ELAVL2: variants seen among roughly 807,000 people sequenced by gnomAD.
ELAVL2 encodes the protein ELAV-like protein 2.
A neutral mutation model predicts 34.6 loss-of-function variants in ELAVL2; 4 were observed. That is an observed-to-expected ratio of 0.12 (90% CI 0.06 to 0.26). ELAVL2 has a LOEUF of 0.26. Among genes scored for constraint, ELAVL2 ranks in the 10% least tolerant of loss-of-function variants. The pLI, the probability that ELAVL2 is intolerant of heterozygous loss-of-function variation, is 1.00. For missense variants in ELAVL2, 432 were observed against 442.8 expected, an observed-to-expected ratio of 0.98 and a Z score of 0.22; for synonymous variants, 193 against 154.8, an observed-to-expected ratio of 1.25 and a Z score of -1.83.
intron 1 of ELAVL2, among the ~76,000 whole-genome samples, chr9:23,820,419 G>C (rs992719396): frequency 2.4e-4 from 36 of 152,246 alleles, no homozygotes; most frequent in African/African-American, 8.2e-4. Flanking sequence ...ATAAAGGAGA[G>C]TGGACAACTC....
chr9:23,786,622 A>C (rs1392975297), intron 1 of ELAVL2, among the ~76,000 whole-genome samples: 1 of 152,162 alleles, frequency 6.6e-6, no homozygotes, highest in African/African-American at 2.4e-5. Flanking sequence ...TGTATCACTC[A>C]GAAAGTTACC....
At chr9:23,815,483 C>G (rs1024117897) in intron 1 of ELAVL2, among the ~76,000 whole-genome samples, 1 of 152,018 alleles carries the variant, frequency 6.6e-6, no homozygotes, top group African/African-American at 2.4e-5. Context: ...AAAACAAAAT[C>G]ACTAAAAATG....
At chr9:23,812,677 T>C (rs1302584504) in intron 1 of ELAVL2, among the ~76,000 whole-genome samples, 4 of 152,086 alleles carry the variant, frequency 2.6e-5, no homozygotes, top group Non-Finnish European at 5.9e-5. Flanking sequence ...ACAATGATTT[T>C]TTAAAATCAT....
chr9:23,727,293 TAAAC>T (rs573626739), intron 3 of ELAVL2, among the ~76,000 whole-genome samples: 82 of 152,234 alleles, frequency 5.4e-4, no homozygotes, highest in Admixed American at 1.6e-3. Context: ...TGCTACTACT[TAAAC>T]AAACAGCATC....
chr9:23,775,390 A>G (rs945227506), intron 1 of ELAVL2, among the ~76,000 whole-genome samples: 1 of 152,216 alleles, frequency 6.6e-6, no homozygotes, highest in Admixed American at 6.5e-5. Context: ...CTTATGCACT[A>G]TAAGCTATAT....
At chr9:23,834,288 T>C in the ELAVL2 span, among the ~76,000 whole-genome samples, 8 of 151,986 alleles carry the variant, frequency 5.3e-5, no homozygotes, top group Non-Finnish European at 1.0e-4. Context: ...GTCAAAAAAT[T>C]ACTCCTTTAT....
intron 1 of ELAVL2, among the ~76,000 whole-genome samples, chr9:23,770,984 C>A (rs1484298366): frequency 6.6e-6 from 1 of 152,160 alleles, no homozygotes; most frequent in Non-Finnish European, 1.5e-5. Flanking sequence ...GGCCGGAACA[C>A]ATAGGGCCTT....
chr9:23,822,918 G>C (rs930722215), intron 1 of ELAVL2, among the ~76,000 whole-genome samples: 1 of 152,212 alleles, frequency 6.6e-6, no homozygotes, highest in Non-Finnish European at 1.5e-5. Flanking sequence ...CCCATGCGAC[G>C]GGCGGAGCGG....
intron 5 of ELAVL2, among the ~76,000 whole-genome samples, chr9:23,700,106 G>A (rs2133082163): frequency 6.6e-6 from 1 of 152,002 alleles, no homozygotes; most frequent in Middle Eastern, 3.4e-3. Flanking sequence ...ATAGATTTAA[G>A]CTAGAAAACA....
In ELAVL2 at chr9:23,695,622, G is replaced by A. The variant is rs73654350; in HGVS notation, c.714-2136C>T. Among the ~76,000 whole-genome samples, 579 of 152,214 alleles carry A rather than the reference G, an allele frequency of 3.8e-3. 8 individuals carry two copies. The highest frequency in any genetic ancestry group is 0.013 in the African/African-American group (539 of 41,536). On this transcript the variant is annotated intron_variant, in intron 5 of 6. Transcript: ENST00000397312. ...ATGGTAATAGCCTACCACACACCTAGTTATATGGTATGGGCTATGGCTCCC... is the reference window on the plus strand; with the variant it reads ...ATGGTAATAGCCTACCACACACCTAATTATATGGTATGGGCTATGGCTCCC...
At chr9:23,842,318 G>A in the ELAVL2 span, among the ~76,000 whole-genome samples, 1 of 152,042 alleles carries the variant, frequency 6.6e-6, no homozygotes, top group Non-Finnish European at 1.5e-5. Context: ...GCCAGTAAAG[G>A]GGTCAGAAAC....
intron 5 of ELAVL2, among the ~76,000 whole-genome samples, chr9:23,695,855 A>G (rs2034985902): frequency 6.6e-6 from 1 of 152,168 alleles, no homozygotes; most frequent in Non-Finnish European, 1.5e-5. Context: ...ATTAACTGAA[A>G]CGTTATGTGA....
chr9:23,705,442 C>T lies in ELAVL2; in HGVS notation c.334-371G>A, dbSNP rs1422190630. Reference sequence around the variant, plus strand: ...CTGCCTGCTCATTTTATCATTTGTACCCACCTTTAGTCCAGTTTTAATTCA... The same window carrying T: ...CTGCCTGCTCATTTTATCATTTGTATCCACCTTTAGTCCAGTTTTAATTCA... On this transcript the variant is annotated intron_variant, in intron 3 of 6. Transcript: ENST00000397312. Among the ~76,000 whole-genome samples, 4 of 152,298 alleles carry T rather than the reference C, an allele frequency of 2.6e-5. No homozygotes were observed. In the South Asian group the frequency reaches 6.2e-4, roughly 24 times the overall value.
chr9:23,759,923 T>A (rs2054569285), intron 2 of ELAVL2, among the ~76,000 whole-genome samples: 1 of 151,206 alleles, frequency 6.6e-6, no homozygotes, highest in South Asian at 2.1e-4. Context: ...CTCCATTACA[T>A]CCTTCCCCTC....
intron 1 of ELAVL2, among the ~76,000 whole-genome samples, chr9:23,788,114 A>C (rs1272023265): frequency 6.6e-6 from 1 of 152,228 alleles, no homozygotes; most frequent in Non-Finnish European, 1.5e-5. Flanking sequence ...TGACTTTTAC[A>C]GCTAATGTAA....
rs182829322 is a variant in ELAVL2, at chr9:23,795,967, C to T, written c.-16+29839G>A. ...AATGCATAAGTGGATGTTTAAATTA[C>T]TTTCTTGATCAATATTGTTTCCCAC... On this transcript the variant is annotated intron_variant, in intron 1 of 6. Coordinates refer to ENST00000397312, the MANE Select transcript of ELAVL2 (RefSeq NM_004432.5). 1.4e-3 allele frequency among the ~76,000 whole-genome samples: 216 copies of T among 152,298 alleles called. 2 individuals are homozygous for T. The highest frequency in any genetic ancestry group is 2.1e-4 in the Non-Finnish European group (14 of 68,030).
chr9:23,842,137 C>G, the ELAVL2 span, among the ~76,000 whole-genome samples: 1 of 152,130 alleles, frequency 6.6e-6, no homozygotes, highest in African/African-American at 2.4e-5. Context: ...CAATTGGTTT[C>G]CAAAACGTGG....
chr9:23,756,675 C>CA (rs1039917745), intron 2 of ELAVL2, among the ~76,000 whole-genome samples: 1 of 152,150 alleles, frequency 6.6e-6, no homozygotes, highest in African/African-American at 2.4e-5. Context: ...GGAATTAACT[C>CA]AGAGACCAAT....
At chr9:23,705,818 C>A (rs1011431210) in intron 3 of ELAVL2, among the ~76,000 whole-genome samples, 29 of 152,168 alleles carry the variant, frequency 1.9e-4, no homozygotes, top group African/African-American at 6.5e-4. Flanking sequence ...CCTAACAGGC[C>A]ACGGACTGGT....
Sources: gnomAD v4.1 joint callset for allele counts (sites outside exome capture counted in the v4.1 genomes callset) on GRCh38, gnomAD v4.1.1 for gene constraint, MANE v1.5 for transcripts, NCBI Gene and HGNC (gene_info 2026-07-23, HGNC 2026-07-21) for gene names.